Variants in BRAT1 observed in about 807,000 individuals in gnomAD.
BRAT1 encodes the protein BRCA1 associated ATM activator 1, also known as integrator complex assembly factor BRAT1.
BRAT1 carries 74 observed loss-of-function variants against 70.6 expected under a neutral mutation model. The observed-to-expected ratio is 1.05, with a 90% confidence interval of 0.87 to 1.27. The LOEUF is 1.27. Ranked by LOEUF, BRAT1 falls within the 50% of genes most tolerant of loss-of-function variation. The pLI is 0.00. For synonymous variants in BRAT1, 615 were observed against 517.1 expected, an observed-to-expected ratio of 1.19 and a Z score of -2.57; for missense variants, 1,203 against 1,098.2, an observed-to-expected ratio of 1.10 and a Z score of -1.35.
At chr7:2,538,901 G>T (rs1240758820) in intron 13 of BRAT1, 137 bp from the exon 14 acceptor site, 9 of 1,480,282 alleles carry the variant, frequency 6.1e-6, no homozygotes, top group Non-Finnish European at 8.0e-6. Context: ...ACCTTCCCAT[G>T]CTGCGCAGTG....
rs145047426 is a variant in BRAT1, at chr7:2,543,591, G to A, written c.802C>T (p.Arg268Cys). The change falls in exon 5 of 14, where the codon CGT becomes TGT. Residue 268 changes from arginine (R) to cysteine (C), a missense_variant and splice_region_variant. By Grantham distance (180) the Arg-to-Cys change is radical (BLOSUM62 -3). Transcript: ENST00000340611. This position sits in a 1 kb window ranked among gnomAD's most constrained non-coding sequence, Gnocchi z 5.5. ...SFVDLLLCVA[R>C]SPVFSSSDGS... ...CCAGCTGCGTCCCGGGGCCCTGACC[G>A]AGCCACACAGAGAAGCAGGTCCACG... The A allele has an allele frequency of 1.9e-5, 29 of 1,512,038 alleles. No homozygotes were observed. The highest frequency in any genetic ancestry group is 3.6e-4 in the Middle Eastern group (2 of 5,588). 93.7% of individuals were successfully genotyped at this position (1,512,038 alleles called of 1,614,324 possible).
In BRAT1 at chr7:2,543,237, G is replaced by A. The variant is rs776318419; in HGVS notation, c.890C>T (p.Pro297Leu). ...LSCLGPTHMGPLALGILKLEH... is the reference protein window; with the variant it reads ...LSCLGPTHMGLLALGILKLEH... Reference sequence around the variant, plus strand: ...GAGCTTCAGGATCCCCAAAGCCAGGGGTCCCATGTGGGTGGGACCCAGGCA... The same window carrying A: ...GAGCTTCAGGATCCCCAAAGCCAGGAGTCCCATGTGGGTGGGACCCAGGCA... Residue 297 changes from proline (P) to leucine (L), a missense_variant, in exon 6 of 14, where the codon CCC (proline) becomes CTC (leucine). By Grantham distance (98) the Pro-to-Leu change is moderately conservative. Transcript: ENST00000340611. The surrounding 1 kb of genome is among the most constrained non-coding windows in gnomAD (Gnocchi z 5.5). 2 of 1,609,086 alleles carry A rather than the reference G, an allele frequency of 1.2e-6. No homozygotes were observed. The highest frequency in any genetic ancestry group is 2.2e-5 in the East Asian group (1 of 44,478).
chr7:2,541,619 G>A, intron 8 of BRAT1, 99 bp downstream of exon 8: 1 of 1,463,200 alleles, frequency 6.8e-7, no homozygotes, highest in Non-Finnish European at 9.2e-7. Context: ...TGGATGCAAG[G>A]GTGCTGGGGC....
rs776341501 is a variant in BRAT1, at chr7:2,539,264, C to G, written c.1685G>C (p.Arg562Pro). 6.2e-6 allele frequency: 10 copies of G among 1,611,828 alleles called. No individual in the cohort carries two copies. The highest frequency in any genetic ancestry group is 7.6e-6 in the Non-Finnish European group (9 of 1,179,970). The stretch of plus-strand genomic sequence containing the variant: ...CCCCATGGCGGTCACTGCACTCGCT[C>G]GGACATAACTCTCAGGGTCCTGGAG... ...QLLQDPESYV[R>P]ASAVTAMGQL... Residue 562 changes from arginine to proline, a missense_variant, in exon 13 of 14, where the codon CGA becomes CCA. Arg to Pro is a moderately radical substitution (Grantham distance 103, BLOSUM62 -2). Coordinates refer to ENST00000340611, the MANE Select transcript of BRAT1 (RefSeq NM_152743.4).
intron 8 of BRAT1, 30 bp downstream of exon 8, chr7:2,541,688 T>A: frequency 6.3e-7 from 1 of 1,587,346 alleles, no homozygotes; most frequent in Non-Finnish European, 8.6e-7. Context: ...TGGATGCTGC[T>A]GGGCTGCATG....
chr7:2,550,526 A>G (rs1235463050), intron 2 of BRAT1, among the ~76,000 whole-genome samples: 2 of 149,018 alleles, frequency 1.3e-5, no homozygotes, highest in African/African-American at 2.5e-5. Context: ...AATAATATGT[A>G]AAGCGAAAAA....
rs369391505 is a variant in BRAT1 at position 2,544,956 on chromosome 7, C to T, written c.383G>A (p.Arg128His). ...TVRSGWIQGL[R>H]SLAQHPSALR... Reference sequence around the variant, plus strand: ...GGCGCTGGGGTGCTGTGCCAGGGAGCGCAGGCCCTGGATCCAGCCGCTGCG... The same window carrying T: ...GGCGCTGGGGTGCTGTGCCAGGGAGTGCAGGCCCTGGATCCAGCCGCTGCG... Residue 128 changes from arginine (R) to histidine (H), a missense_variant, in exon 4 of 14, where the codon CGC becomes CAC. Physicochemically the swap from Arg to His is conservative, Grantham distance 29. Coordinates refer to ENST00000340611, the MANE Select transcript of BRAT1 (RefSeq NM_152743.4). 12 of 1,559,724 alleles carry T rather than the reference C, an allele frequency of 7.7e-6. No homozygotes were observed. Among genetic ancestry groups the T allele is most frequent in the African/African-American group, 1.4e-5 (1 of 73,950 alleles).
intron 3 of BRAT1, 27 bp from the exon 4 acceptor site, chr7:2,545,083 T>C: frequency 6.8e-7 from 1 of 1,465,540 alleles, no homozygotes; most frequent in Non-Finnish European, 9.0e-7. Flanking sequence ...GAAGTGAGGG[T>C]GGCCAGGCGC....
rs138077616 is a variant in BRAT1, at chr7:2,538,673, C to G, written c.1862G>C (p.Arg621Pro). The change falls in exon 14 of 14, where the codon CGG (arginine) becomes CCG (proline). Residue 621 changes from arginine to proline, a missense_variant. Arg to Pro is a moderately radical substitution (Grantham distance 103). Transcript: ENST00000340611. ...CTGGGCCGCGTCGGCGTGGCCGTCC[C>G]GCAGCCACTCAGTGAAGACTTGCAT... ...AVMQVFTEWL[R>P]DGHADAAQDT... 1.9e-6 allele frequency: 3 copies of G among 1,598,226 alleles called. No homozygotes were observed. The highest frequency in any genetic ancestry group is 1.7e-5 in the Admixed American group (1 of 60,004).
Position 2,539,603 on chromosome 7 carries a change from C to A in BRAT1, c.1538G>T (p.Cys513Phe). Residue 513 changes from cysteine (C) to phenylalanine (F), a missense_variant, in exon 12 of 14, where the codon TGC becomes TTC. Transcript: ENST00000340611. ...PVLQKRLCHP[C>F]WEVRDSALEF... is the part of the protein sequence containing the mutation. ...GAGGGCGGAGTCCCTCACCTCCCAG[C>A]AGGGGTGGCACAGGCGTTTCTGCAG... is the stretch of plus-strand genomic sequence containing the variant. The A allele has an allele frequency of 6.3e-7, 1 of 1,592,784 alleles. No homozygotes were observed. The highest frequency in any genetic ancestry group is 8.6e-7 in the Non-Finnish European group (1 of 1,169,030).
rs2128382211 is a variant in BRAT1, at chr7:2,537,915, CTG to C, written c.*152_*153del. The C allele has an allele frequency of 6.4e-6, 8 of 1,248,898 alleles. No homozygotes were observed. The highest frequency in any genetic ancestry group is 5.5e-5 in the East Asian group (2 of 36,374). The allele number at this position is 1,248,898 out of a possible 1,614,324, so 77.4% of individuals were successfully genotyped here. ...TAAGTCATTTCTTTAATACATCAAA[CTG>C]TGGGATTTCTTGACCTTGCTTCTCT... On this transcript the variant is annotated 3_prime_UTR_variant, in exon 14 of 14. Coordinates refer to ENST00000340611, the MANE Select transcript of BRAT1 (RefSeq NM_152743.4).
In BRAT1 at chr7:2,539,862, C is replaced by T. The variant is rs553366638; in HGVS notation, c.1422G>A (p.Thr474=). 19 of 1,589,712 alleles carry T rather than the reference C, an allele frequency of 1.2e-5. No individual in the cohort carries two copies. The East Asian group carries it at 1.8e-4, about 15-fold the overall frequency. The part of the protein sequence containing the change: ...PTVLKKAFQA[T]LRWLLSSPKT... The stretch of plus-strand genomic sequence containing the variant: ...TGGGTGAGCTCAGGAGCCACCTGAG[C>T]GTGGCCTGGAAGGCCTTCTTCAGAA... The change falls in exon 11 of 14, where the codon ACG becomes ACA. Residue 474 remains threonine, a synonymous_variant. Coordinates refer to ENST00000340611, the MANE Select transcript of BRAT1 (RefSeq NM_152743.4).
chr7:2,537,951 T>G lies in BRAT1; in HGVS notation c.*118A>C. 7.2e-7 allele frequency: 1 copy of G among 1,382,848 alleles called. No individual in the cohort carries two copies. The highest frequency in any genetic ancestry group is 9.4e-7 in the Non-Finnish European group (1 of 1,068,610). The allele number at this position is 1,382,848 out of a possible 1,614,324, so 85.7% of individuals were successfully genotyped here. ...CTTGACCTTGCTTCTCTCCTGGTCC[T>G]GGCTTCCCCAGAGGATCCACCGGGC... is the stretch of plus-strand genomic sequence containing the variant. On this transcript the variant is annotated 3_prime_UTR_variant, in exon 14 of 14. Transcript: ENST00000340611.
chr7:2,554,156 T>C (rs1780238970), intron 2 of BRAT1, 149 bp downstream of exon 2: 1 of 1,124,638 alleles, frequency 8.9e-7, no homozygotes, highest in Non-Finnish European at 1.2e-6. Flanking sequence ...CTGCCACAGA[T>C]AATCCTTAGG....
intron 1 of BRAT1, among the ~76,000 whole-genome samples, chr7:2,554,872 G>A (rs894818066): frequency 2.6e-5 from 4 of 152,308 alleles, no homozygotes; most frequent in African/African-American, 9.6e-5. Context: ...GGGCTGGAAA[G>A]TTTCTGTCCC....
Position 2,538,132 on chromosome 7 carries a change from G to A in BRAT1, c.2403C>T (p.Ser801=), listed in dbSNP as rs1441158004. Residue 801 remains serine (S), a synonymous_variant, in exon 14 of 14, where the codon TCC becomes TCT. Coordinates refer to ENST00000340611, the MANE Select transcript of BRAT1 (RefSeq NM_152743.4). Reference sequence around the variant, plus strand: ...CCGTGGCCAGCATGTCCTGCAGGAGGGACTGGGGACTCTTTTCCACGTGGT... The same window carrying A: ...CCGTGGCCAGCATGTCCTGCAGGAGAGACTGGGGACTCTTTTCCACGTGGT... ...SSDHVEKSPQ[S]LLQDMLATGG... 2 of 1,605,564 alleles carry A rather than the reference G, an allele frequency of 1.2e-6. No homozygotes were observed. The highest frequency in any genetic ancestry group is 2.7e-5 in the African/African-American group (2 of 74,766).
Position 2,548,669 on chromosome 7 carries a change from A to T in BRAT1, c.128-1191T>A, listed in dbSNP as rs912162212. On this transcript the variant is annotated intron_variant, in intron 2 of 13. Coordinates refer to ENST00000340611, the MANE Select transcript of BRAT1 (RefSeq NM_152743.4). Reference sequence around the variant, plus strand: ...CGACAGAGGGAGACCCTGTCTCTCTAAAAAAAAAAAAGGCGGGGCGTGGTG... The same window carrying T: ...CGACAGAGGGAGACCCTGTCTCTCTTAAAAAAAAAAAGGCGGGGCGTGGTG... Among the ~76,000 whole-genome samples, 14 of 127,908 alleles carry T rather than the reference A, an allele frequency of 1.1e-4. No individual in the cohort carries two copies. The South Asian group carries it at 3.4e-3, about 31-fold the overall frequency. The allele number at this position is 127,908 out of a possible 152,430, so 83.9% of individuals were successfully genotyped here. A position where few individuals can be genotyped will look rare whatever the true frequency, so the allele number is the denominator to read the frequency against.
At position 2,538,654 on chromosome 7, in the gene BRAT1, C is replaced by T. The variant is rs761970275; in HGVS notation, c.1881G>A (p.Ala627=). The change falls in exon 14 of 14, where the codon GCG becomes GCA. Residue 627 remains alanine, a synonymous_variant. Coordinates refer to ENST00000340611, the MANE Select transcript of BRAT1 (RefSeq NM_152743.4). Reference sequence around the variant, plus strand: ...CCACGAACTGCTCCGTGTCCTGGGCCGCGTCGGCGTGGCCGTCCCGCAGCC... The same window carrying T: ...CCACGAACTGCTCCGTGTCCTGGGCTGCGTCGGCGTGGCCGTCCCGCAGCC... ...TEWLRDGHAD[A]AQDTEQFVAT... 26 of 1,598,320 alleles carry T rather than the reference C, an allele frequency of 1.6e-5. No individual in the cohort carries two copies. Among genetic ancestry groups the T allele is most frequent in the Middle Eastern group, 1.7e-4 (1 of 6,058 alleles).
chr7:2,550,467 C>CAAAAAAAAAAAAA (rs71550358), intron 2 of BRAT1, among the ~76,000 whole-genome samples: 1 of 32,678 alleles, frequency 3.1e-5, no homozygotes, highest in African/African-American at 1.3e-4. Flanking sequence ...GACTCCATCT[C>CAAAAAAAAAAAAA]AAAAAAAAAA....
Sources: allele counts gnomAD v4.1 joint callset (sites outside exome capture counted in the v4.1 genomes callset), GRCh38; gene constraint gnomAD v4.1.1; non-coding constraint Gnocchi (gnomAD v3.1); transcripts MANE v1.5; gene names NCBI Gene and HGNC (gene_info 2026-07-23, HGNC 2026-07-21).